Variants in SPMIP3 observed in about 807,000 individuals in gnomAD.
The protein encoded by SPMIP3 is sperm microtubule inner protein 3, also known as protein SPMIP3.
At chr1:244,379,502 G>T in the SPMIP3 span, among the ~76,000 whole-genome samples, 1 of 152,100 alleles carries the variant, frequency 6.6e-6, no homozygotes. Flanking sequence ...CACCACACCT[G>T]GTTGACCACT....
chr1:244,360,507 T>TACACACAC, the SPMIP3 span, among the ~76,000 whole-genome samples: 4 of 12,866 alleles, frequency 3.1e-4, no homozygotes, highest in Admixed American at 9.7e-4. Context: ...GAAAACGTGA[T>TACACACAC]ATACACACAC....
chr1:244,378,954 A>G, the SPMIP3 span, among the ~76,000 whole-genome samples: 1 of 151,876 alleles, frequency 6.6e-6, no homozygotes, highest in East Asian at 1.9e-4. Flanking sequence ...TTTGAGACGG[A>G]GTCTCGCTCT....
At chr1:244,374,272 G>A in the SPMIP3 span, among the ~76,000 whole-genome samples, 1 of 151,970 alleles carries the variant, frequency 6.6e-6, no homozygotes, top group South Asian at 2.1e-4. Flanking sequence ...CCACAGAAGT[G>A]CTCCCTCCCA....
chr1:244,374,194 G>T, the SPMIP3 span, among the ~76,000 whole-genome samples: 1 of 152,048 alleles, frequency 6.6e-6, no homozygotes, highest in East Asian at 1.9e-4. Flanking sequence ...CTCCAGCCTG[G>T]CCTCCCTCAG....
the SPMIP3 span, chr1:244,378,705 CCT>C: frequency 2.0e-6 from 3 of 1,501,012 alleles, no homozygotes; most frequent in East Asian, 4.5e-5. Flanking sequence ...ATTAGCATCT[CCT>C]GTAGGCTTGC....
At chr1:244,361,469 T>C in the SPMIP3 span, among the ~76,000 whole-genome samples, 3 of 152,224 alleles carry the variant, frequency 2.0e-5, no homozygotes, top group Non-Finnish European at 4.4e-5. Context: ...CCTCAAGTCA[T>C]CTGCCCACCT....
At chr1:244,375,599 G>T in the SPMIP3 span, 2 of 545,854 alleles carry the variant, frequency 3.7e-6, no homozygotes, top group Non-Finnish European at 6.2e-6. Context: ...GATAGAAGAG[G>T]TTTGCAAGAA....
chr1:244,367,539 T>TG, the SPMIP3 span, among the ~76,000 whole-genome samples: 2 of 151,860 alleles, frequency 1.3e-5, no homozygotes, highest in African/African-American at 2.4e-5. Flanking sequence ...GGGCGGAGGG[T>TG]GGGGGCAACA....
chr1:244,376,872 G>A, the SPMIP3 span, among the ~76,000 whole-genome samples: 10 of 151,758 alleles, frequency 6.6e-5, no homozygotes, highest in African/African-American at 1.2e-4. Context: ...GCGCAGTGGC[G>A]TGATCTCGGC....
the SPMIP3 span, among the ~76,000 whole-genome samples, chr1:244,354,140 G>T: frequency 4.6e-5 from 7 of 152,010 alleles, no homozygotes; most frequent in South Asian, 6.2e-4. Flanking sequence ...ATTCTACAAG[G>T]TTCCATTGAC....
the SPMIP3 span, among the ~76,000 whole-genome samples, chr1:244,367,521 C>A: frequency 3.8e-4 from 58 of 152,166 alleles, no homozygotes; most frequent in African/African-American, 1.4e-3. Flanking sequence ...CCTCACGGTG[C>A]GCACTATGGG....
chr1:244,388,389 C>T, the SPMIP3 span, among the ~76,000 whole-genome samples: 2 of 149,004 alleles, frequency 1.3e-5, no homozygotes, highest in Non-Finnish European at 3.0e-5. Context: ...TCCTTCCCCC[C>T]AGACGTACTC....
the SPMIP3 span, among the ~76,000 whole-genome samples, chr1:244,365,931 T>G: frequency 2.6e-5 from 4 of 152,182 alleles, no homozygotes; most frequent in African/African-American, 9.7e-5. Flanking sequence ...TGTTTCGCTC[T>G]TTCTTCAAGG....
At chr1:244,359,140 CAA>C in the SPMIP3 span, among the ~76,000 whole-genome samples, 3,329 of 133,134 alleles carry the variant, frequency 0.025, 108 homozygotes, top group African/African-American at 0.087. Context: ...TGATTAATGG[CAA>C]AAAAAAAAAA....
the SPMIP3 span, chr1:244,364,806 G>C: frequency 1.3e-6 from 2 of 1,586,386 alleles, no homozygotes; most frequent in Non-Finnish European, 1.7e-6. Context: ...CAGGCAGCCA[G>C]GTGCCTGGGG....
chr1:244,360,017 G>A, the SPMIP3 span, among the ~76,000 whole-genome samples: 2 of 151,980 alleles, frequency 1.3e-5, no homozygotes, highest in Admixed American at 1.3e-4. Context: ...GCTGAGGCAG[G>A]AGAATCACTG....
At chr1:244,388,846 C>G in the SPMIP3 span, 2 of 860,726 alleles carry the variant, frequency 2.3e-6, no homozygotes, top group African/African-American at 3.4e-5. Context: ...TGTCTTAAAC[C>G]CCAAAAGTTA....
the SPMIP3 span, among the ~76,000 whole-genome samples, chr1:244,368,533 A>T: frequency 4.1e-4 from 63 of 152,376 alleles, no homozygotes; most frequent in Non-Finnish European, 5.1e-4. Context: ...TTAGCCCTCC[A>T]GGCAGGGCTT....
chr1:244,382,078 A>T, the SPMIP3 span, among the ~76,000 whole-genome samples: 183 of 152,376 alleles, frequency 1.2e-3, 3 homozygotes, highest in Non-Finnish European at 5.0e-4. Context: ...TGGTGACCCC[A>T]GTATGATTTA....
Sources: gnomAD v4.1 joint callset for allele counts (sites outside exome capture counted in the v4.1 genomes callset) on GRCh38, gnomAD v4.1.1 for gene constraint, MANE v1.5 for transcripts, NCBI Gene and HGNC (gene_info 2026-07-23, HGNC 2026-07-21) for gene names.